Variants in SDK1 observed in about 807,000 individuals in gnomAD.
SDK1 encodes the protein sidekick cell adhesion molecule 1.
A neutral mutation model predicts 245.5 loss-of-function variants in SDK1; 157 were observed. The observed-to-expected ratio is 0.64, with a 90% CI of 0.56 to 0.73. The LOEUF is 0.73. SDK1 is among the 30% of genes least tolerant of loss of function. The pLI, the probability that SDK1 is intolerant of heterozygous loss-of-function variation, is 0.00. For missense variants in SDK1, 3,583 were observed against 3,002.3 expected (o/e 1.19, Z -4.52); for synonymous variants, 1,647 against 1,278.5 (o/e 1.29, Z -6.15).
At chr7:3,656,438 T>C (rs1483961620) in intron 4 of SDK1, among the ~76,000 whole-genome samples, 1 of 152,248 alleles carries the variant, frequency 6.6e-6, no homozygotes, top group Non-Finnish European at 1.5e-5. Flanking sequence ...ACTGACATTT[T>C]CTTCTGGAAG....
chr7:3,586,727 TAGAGGAC>T (rs1272831811), intron 1 of SDK1, among the ~76,000 whole-genome samples: 2 of 144,984 alleles, frequency 1.4e-5, no homozygotes, highest in Non-Finnish European at 1.5e-5. Flanking sequence ...AAAAAAGAAA[TAGAGGAC>T]AGAAGCAATT....
chr7:4,094,261 C>T (rs1781997801), intron 22 of SDK1, among the ~76,000 whole-genome samples: 1 of 152,140 alleles, frequency 6.6e-6, no homozygotes, highest in Non-Finnish European at 1.5e-5. Flanking sequence ...GGGGTTTTGC[C>T]ATGTTGTCCA....
chr7:3,741,446 T>G (rs1779471602), intron 4 of SDK1, among the ~76,000 whole-genome samples: 1 of 152,222 alleles, frequency 6.6e-6, no homozygotes, highest in Non-Finnish European at 1.5e-5. Context: ...TGTGTGAAGC[T>G]TATTTTAGCT....
intron 19 of SDK1, among the ~76,000 whole-genome samples, chr7:4,059,466 A>G (rs1045642891): frequency 6.6e-6 from 1 of 152,246 alleles, no homozygotes; most frequent in African/African-American, 2.4e-5. Context: ...TTAGATCTAC[A>G]GGGAGAGACA....
chr7:3,672,316 C>A (rs768247147), intron 4 of SDK1, among the ~76,000 whole-genome samples: 1 of 151,914 alleles, frequency 6.6e-6, no homozygotes, highest in South Asian at 2.1e-4. Flanking sequence ...TCACAGCAAG[C>A]AGCTCATCTA....
intron 22 of SDK1, among the ~76,000 whole-genome samples, chr7:4,101,109 C>A (rs964226187): frequency 6.6e-6 from 1 of 152,114 alleles, no homozygotes; most frequent in African/African-American, 2.4e-5. Flanking sequence ...GCAGCCCTGA[C>A]CCTTTGGTTT....
At chr7:3,926,747 G>A (rs918583533) in intron 5 of SDK1, among the ~76,000 whole-genome samples, 11 of 152,322 alleles carry the variant, frequency 7.2e-5, no homozygotes, top group East Asian at 5.8e-4. Flanking sequence ...CTACGACTCC[G>A]TAAGGCACGG....
At chr7:4,132,176 C>T in intron 27 of SDK1, 149 bp from the exon 28 acceptor site, 1 of 566,952 alleles carries the variant, frequency 1.8e-6, no homozygotes, top group Non-Finnish European at 3.2e-6. Context: ...CAAAAGTCAT[C>T]AGTCCAAAAC....
chr7:3,705,416 A>G (rs1162900676), intron 4 of SDK1, among the ~76,000 whole-genome samples: 1 of 147,140 alleles, frequency 6.8e-6, no homozygotes, highest in Middle Eastern at 3.3e-3. Context: ...GGTTAAGTAT[A>G]TTCCTAGTGA....
chr7:4,193,872 T>C (rs1024870719), intron 35 of SDK1, among the ~76,000 whole-genome samples: 1 of 152,192 alleles, frequency 6.6e-6, no homozygotes, highest in Non-Finnish European at 1.5e-5. Flanking sequence ...ATTATGTTTC[T>C]TGGTTCTCCA....
At chr7:4,081,095 G>A (rs983437509) in intron 22 of SDK1, among the ~76,000 whole-genome samples, 1 of 152,200 alleles carries the variant, frequency 6.6e-6, no homozygotes, top group Admixed American at 6.5e-5. Flanking sequence ...CATAGCTGAG[G>A]CCAGGAGGCA....
At chr7:3,616,444 G>C (rs973374931) in intron 1 of SDK1, among the ~76,000 whole-genome samples, 2 of 152,112 alleles carry the variant, frequency 1.3e-5, no homozygotes, top group African/African-American at 4.8e-5. Context: ...AAGTCTTGCT[G>C]TTCACTCTTT....
chr7:3,762,405 G>A (rs528420195), intron 4 of SDK1, among the ~76,000 whole-genome samples: 1 of 152,354 alleles, frequency 6.6e-6, no homozygotes, highest in Admixed American at 6.5e-5. Context: ...CGACCCTCTA[G>A]ATGTTTACGT....
chr7:3,367,396 T>C (rs1781119481), intron 1 of SDK1, among the ~76,000 whole-genome samples: 1 of 152,134 alleles, frequency 6.6e-6, no homozygotes, highest in South Asian at 2.1e-4. Context: ...AGCTGCTCAC[T>C]TTTTTTGACT....
rs188534775 is a variant in SDK1 at position 4,012,848 on chromosome 7, A to T, written c.2420+613A>T. Among the ~76,000 whole-genome samples the T allele has an allele frequency of 2.8e-4, 42 of 152,180 alleles. No homozygotes were observed. The East Asian group carries it at 7.9e-3, about 29-fold the overall frequency. ...CTCAGCCTCCCAATCCTCAGCTGGGATTACAGGCGTGAGGCACTGCACCTG... is the reference window on the plus strand; with the variant it reads ...CTCAGCCTCCCAATCCTCAGCTGGGTTTACAGGCGTGAGGCACTGCACCTG... On this transcript the variant is annotated intron_variant, in intron 16 of 44. Transcript: ENST00000404826.
intron 1 of SDK1, among the ~76,000 whole-genome samples, chr7:3,567,425 A>T (rs1231086599): frequency 6.6e-6 from 1 of 152,240 alleles, no homozygotes; most frequent in Non-Finnish European, 1.5e-5. Context: ...TGGACTTTCC[A>T]AAGGCTCATC....
rs1049949028 is a variant in SDK1, at chr7:3,555,804, A to G, written c.299-63276A>G. Among the ~76,000 whole-genome samples the G allele has an allele frequency of 1.2e-4, 18 of 152,334 alleles. No individual in the cohort carries two copies. In the South Asian group the frequency reaches 1.2e-3, roughly 11 times the overall value. On this transcript the variant is annotated intron_variant, in intron 1 of 44. Transcript: ENST00000404826. ...GCAAAAGAAGACATACAAATGGCAA[A>G]CAGGTGTATTAAACGTCATTGATCA... is the stretch of plus-strand genomic sequence containing the variant.
At chr7:3,744,672 C>T (rs532094853) in intron 4 of SDK1, among the ~76,000 whole-genome samples, 19 of 151,896 alleles carry the variant, frequency 1.3e-4, no homozygotes, top group East Asian at 3.9e-4. Context: ...ATTAGCCAGG[C>T]GTGGTGGCGG....
At chr7:3,690,331 A>G (rs934537964) in intron 4 of SDK1, among the ~76,000 whole-genome samples, 1 of 152,158 alleles carries the variant, frequency 6.6e-6, no homozygotes, top group African/African-American at 2.4e-5. Context: ...CTGTAACTAG[A>G]AATTTTTTTC....
Sources: allele counts gnomAD v4.1 joint callset (sites outside exome capture counted in the v4.1 genomes callset), GRCh38; gene constraint gnomAD v4.1.1; transcripts MANE v1.5; gene names NCBI Gene and HGNC (gene_info 2026-07-23, HGNC 2026-07-21).